The following GABBR2 variants were observed in gnomAD, a reference collection of about 807,000 sequenced individuals.
GABBR2 encodes the protein G-protein coupled receptor 51.
GABBR2 carries 23 observed loss-of-function variants against 105.6 expected under a neutral mutation model. The ratio of observed to expected loss-of-function variants is 0.22; its 90% CI spans 0.16 to 0.31. The LOEUF is 0.31. Ranked by LOEUF, GABBR2 falls within the 10% of genes least tolerant of loss-of-function variation. GABBR2 has a pLI of 1.00. For missense variants in GABBR2, 734 were observed against 1,245.5 expected (o/e 0.59, Z 6.18); for synonymous variants, 478 against 499.7 (o/e 0.96, Z 0.58).
chr9:98,354,089 G>C (rs1831447060), intron 13 of GABBR2, among the ~76,000 whole-genome samples: 1 of 152,072 alleles, frequency 6.6e-6, no homozygotes, highest in Non-Finnish European at 1.5e-5. Flanking sequence ...TAATACACCA[G>C]GTACATTGTC....
chr9:98,696,202 AGAT>A (rs1246571110), intron 1 of GABBR2, among the ~76,000 whole-genome samples: 2 of 152,268 alleles, frequency 1.3e-5, no homozygotes, highest in Non-Finnish European at 2.9e-5. Flanking sequence ...AGGATTTAAA[AGAT>A]GAAGAAAGGT....
At chr9:98,554,352 T>C (rs931981643) in intron 2 of GABBR2, among the ~76,000 whole-genome samples, 1 of 151,730 alleles carries the variant, frequency 6.6e-6, no homozygotes, top group African/African-American at 2.4e-5. Context: ...AGTGAGGCCC[T>C]GTCAAAGAAA....
intron 13 of GABBR2, among the ~76,000 whole-genome samples, chr9:98,318,253 C>A (rs1564014575): frequency 6.6e-6 from 1 of 152,158 alleles, no homozygotes; most frequent in East Asian, 1.9e-4. Flanking sequence ...TAAGCAGTTC[C>A]AGGGGAGGAG....
chr9:98,473,402 G>A (rs1826724785), intron 5 of GABBR2, 56 bp from the exon 6 acceptor site: 1 of 1,192,916 alleles, frequency 8.4e-7, no homozygotes, highest in Non-Finnish European at 1.2e-6. Context: ...TCAAGGCTCT[G>A]TGCCCTGGAA....
At chr9:98,330,882 A>G (rs1356911774) in intron 13 of GABBR2, among the ~76,000 whole-genome samples, 1 of 152,126 alleles carries the variant, frequency 6.6e-6, no homozygotes, top group Non-Finnish European at 1.5e-5. Flanking sequence ...AAAGAAACCC[A>G]TATCCATTAG....
chr9:98,316,456 TTG>T (rs201424045), intron 13 of GABBR2, among the ~76,000 whole-genome samples: 12,700 of 152,316 alleles, frequency 0.083, 657 homozygotes, highest in South Asian at 0.18. Flanking sequence ...CCGGCCACTT[TTG>T]TTATTTTTCT....
Position 98,299,368 on chromosome 9 carries a change from T to C in GABBR2, c.2413-15A>G. The C allele has an allele frequency of 6.2e-7, 1 of 1,613,786 alleles. No individual in the cohort carries two copies. The highest frequency in any genetic ancestry group is 1.1e-5 in the South Asian group (1 of 91,064). The stretch of plus-strand genomic sequence containing the variant: ...TCTTTATCCAGCTACAAGACAAAGG[T>C]TCCAGTTGAGTCAGGTCCCTGGCCC... On this transcript the variant is annotated splice_polypyrimidine_tract_variant and intron_variant, in intron 16 of 18. Coordinates refer to ENST00000259455, the MANE Select transcript of GABBR2 (RefSeq NM_005458.8).
At chr9:98,458,108 A>G (rs185637465) in intron 6 of GABBR2, among the ~76,000 whole-genome samples, 1 of 152,344 alleles carries the variant, frequency 6.6e-6, no homozygotes, top group Non-Finnish European at 1.5e-5. Context: ...AGGCTAGCCC[A>G]CACAAGCTTG....
intron 1 of GABBR2, among the ~76,000 whole-genome samples, chr9:98,702,674 C>T (rs906529858): frequency 6.6e-6 from 1 of 152,208 alleles, no homozygotes; most frequent in South Asian, 2.1e-4. Flanking sequence ...GGAGACCCTT[C>T]CTGGTATCCA....
Position 98,510,923 on chromosome 9 carries a change from A to G in GABBR2, c.631-14409T>C, listed in dbSNP as rs917056090. ...AGCAGACCTAATAGACATCTACAGA[A>G]CTCTCCACCCCAAATCAACAGAATA... On this transcript the variant is annotated intron_variant, in intron 3 of 18. Coordinates refer to ENST00000259455, the MANE Select transcript of GABBR2 (RefSeq NM_005458.8). Among the ~76,000 whole-genome samples, 25 of 152,132 alleles carry G rather than the reference A, an allele frequency of 1.6e-4. No individual in the cohort carries two copies. In the South Asian group the frequency reaches 1.7e-3, roughly 10 times the overall value.
intron 3 of GABBR2, among the ~76,000 whole-genome samples, chr9:98,527,144 C>T (rs1378012807): frequency 1.3e-5 from 2 of 149,064 alleles, no homozygotes; most frequent in African/African-American, 4.9e-5. Context: ...AGTGGGTATT[C>T]ACTCCTTTGG....
chr9:98,651,256 G>T (rs1435463612), intron 1 of GABBR2, among the ~76,000 whole-genome samples: 1 of 149,954 alleles, frequency 6.7e-6, no homozygotes, highest in Non-Finnish European at 1.5e-5. Flanking sequence ...TGATTCTCCT[G>T]TCTCAGCCTC....
At chr9:98,485,407 C>A (rs1827022711) in intron 4 of GABBR2, among the ~76,000 whole-genome samples, 1 of 152,030 alleles carries the variant, frequency 6.6e-6, no homozygotes, top group African/African-American at 2.4e-5. Flanking sequence ...CCCTGGGTAG[C>A]TTTCCTTTTC....
At chr9:98,431,521 T>C (rs1825808503) in intron 7 of GABBR2, among the ~76,000 whole-genome samples, 1 of 151,988 alleles carries the variant, frequency 6.6e-6, no homozygotes, top group African/African-American at 2.4e-5. Flanking sequence ...GTTATGAAGT[T>C]TGGAAATTCT....
At chr9:98,309,780 GTTGC>G (rs1237482889) in intron 14 of GABBR2, among the ~76,000 whole-genome samples, 1 of 152,210 alleles carries the variant, frequency 6.6e-6, no homozygotes, top group Non-Finnish European at 1.5e-5. Flanking sequence ...CAGTGGTCCT[GTTGC>G]TTGCATGGGA....
At chr9:98,611,710 A>G (rs1321602645) in intron 1 of GABBR2, among the ~76,000 whole-genome samples, 6 of 152,150 alleles carry the variant, frequency 3.9e-5, no homozygotes, top group African/African-American at 9.7e-5. Context: ...AGCCTCCCCA[A>G]TTCTGGGTAG....
At chr9:98,688,748 T>TGG (rs1348140477) in intron 1 of GABBR2, among the ~76,000 whole-genome samples, 1 of 152,130 alleles carries the variant, frequency 6.6e-6, no homozygotes, top group Non-Finnish European at 1.5e-5. Context: ...ATTGGAATCA[T>TGG]AGCTAGTTAT....
chr9:98,501,132 C>CT (rs1183811917), intron 3 of GABBR2, among the ~76,000 whole-genome samples: 4 of 145,310 alleles, frequency 2.8e-5, no homozygotes, highest in South Asian at 4.5e-4. Context: ...ACTGCCCCCC[C>CT]CCCTTCCCCG....
chr9:98,611,859 G>A (rs574367717), intron 1 of GABBR2, among the ~76,000 whole-genome samples: 10 of 152,074 alleles, frequency 6.6e-5, no homozygotes, highest in African/African-American at 2.2e-4. Context: ...CCCAAGGAGT[G>A]AATGAATGAA....
Sources: gnomAD v4.1 joint callset for allele counts (sites outside exome capture counted in the v4.1 genomes callset) on GRCh38, gnomAD v4.1.1 for gene constraint, MANE v1.5 for transcripts, NCBI Gene and HGNC (gene_info 2026-07-23, HGNC 2026-07-21) for gene names.